The following TBL1X variants were observed in gnomAD, a reference collection of about 807,000 sequenced individuals.
TBL1X encodes F-box-like/WD repeat-containing protein TBL1X.
In TBL1X, 10 loss-of-function variants were observed where a neutral mutation model predicts 50.7. That is an observed-to-expected ratio of 0.20 (90% CI 0.12 to 0.33). The LOEUF (loss-of-function observed/expected upper bound fraction) is 0.33. Among genes scored for constraint, TBL1X ranks in the 10% least tolerant of loss-of-function variants. The probability of loss-of-function intolerance (pLI) is 1.00; values close to 1 mark genes in which losing one functional copy is unlikely to be tolerated. For missense variants in TBL1X, 340 were observed against 504.4 expected (o/e 0.67, Z 3.12); for synonymous variants, 190 against 214.7 (o/e 0.88, Z 1.01).
At chrX:9,546,593 T>A (rs926645484) in intron 2 of TBL1X, among the ~76,000 whole-genome samples, 2 of 111,449 alleles carry the variant, frequency 1.8e-5, no homozygotes, top group African/African-American at 6.5e-5. Flanking sequence ...TAACAGTTGC[T>A]TTTGCACTAC....
intron 1 of TBL1X, among the ~76,000 whole-genome samples, chrX:9,475,980 A>G (rs1433776902): frequency 8.9e-6 from 1 of 112,421 alleles, no homozygotes; most frequent in African/African-American, 3.2e-5. Flanking sequence ...GTGTACCAGC[A>G]GGATGCCTAA....
chrX:9,706,026 G>C (rs1001777280), intron 13 of TBL1X, among the ~76,000 whole-genome samples: 2 of 110,355 alleles, frequency 1.8e-5, no homozygotes, highest in Non-Finnish European at 3.8e-5. Context: ...GGGAGGAGTG[G>C]GGGGGGTGTC....
intron 5 of TBL1X, among the ~76,000 whole-genome samples, chrX:9,674,555 C>A (rs779484242): frequency 9.1e-6 from 1 of 110,301 alleles, no homozygotes; most frequent in African/African-American, 3.3e-5. Flanking sequence ...TGAGTCACTG[C>A]GCCTGACCTA....
Position 9,468,441 on chromosome X carries a change from G to A in TBL1X, c.-201+2994G>A, listed in dbSNP as rs148794670. ...AGCAAACAGGTTGAGCCAGCTGGGT[G>A]TGGACCTGCATTTTCCTCGTGGAGG... On this transcript the variant is annotated intron_variant, in intron 1 of 17. Transcript: ENST00000645353. Among the ~76,000 whole-genome samples the A allele has an allele frequency of 8.9e-5, 10 of 111,862 alleles. No homozygotes were observed. In the East Asian group the frequency reaches 2.8e-3, roughly 31 times the overall value.
intron 1 of TBL1X, among the ~76,000 whole-genome samples, chrX:9,479,863 A>G (rs947675473): frequency 1.8e-5 from 2 of 111,786 alleles, no homozygotes; most frequent in Non-Finnish European, 3.8e-5. Context: ...AGTTGCTGAA[A>G]GTTAAGATTG....
intron 1 of TBL1X, among the ~76,000 whole-genome samples, chrX:9,467,820 G>C (rs780232705): frequency 1.0e-3 from 115 of 111,838 alleles, no homozygotes; most frequent in African/African-American, 3.5e-3. Context: ...CTGGATATGG[G>C]AAGGGGCCGA....
chrX:9,651,288 G>T (rs781621640), intron 3 of TBL1X, among the ~76,000 whole-genome samples: 1 of 111,639 alleles, frequency 9.0e-6, no homozygotes, highest in South Asian at 3.7e-4. Flanking sequence ...CAAGCGATCC[G>T]CCTGCCTCGG....
chrX:9,478,095 C>T, intron 1 of TBL1X, among the ~76,000 whole-genome samples: 2 of 111,837 alleles, frequency 1.8e-5, no homozygotes, highest in African/African-American at 6.5e-5. Context: ...ATCAGGATAA[C>T]CATGGACTAG....
In TBL1X at chrX:9,553,975, A is replaced by G. The variant is rs1314136674; in HGVS notation, c.-131+52126A>G. Among the ~76,000 whole-genome samples the G allele has an allele frequency of 3.6e-5, 4 of 111,583 alleles. No homozygotes were observed. In the East Asian group the frequency reaches 8.4e-4, roughly 23 times the overall value. On this transcript the variant is annotated intron_variant, in intron 2 of 17. Coordinates refer to ENST00000645353, the MANE Select transcript of TBL1X (RefSeq NM_005647.4). ...TGTCACTGTCACCTCAACCTCCCCA[A>G]GCTCAGGCGATCCTCCCACCTCAGC...
Position 9,716,461 on chromosome X carries a change from C to T in TBL1X, c.*215C>T, listed in dbSNP as rs765436272. ...AAAAACAGAAGCAAATCATATCAAACGGGGATAGAATGGTTTCCACTGAGG... is the reference window on the plus strand; with the variant it reads ...AAAAACAGAAGCAAATCATATCAAATGGGGATAGAATGGTTTCCACTGAGG... On this transcript the variant is annotated 3_prime_UTR_variant, in exon 18 of 18. Coordinates refer to ENST00000645353, the MANE Select transcript of TBL1X (RefSeq NM_005647.4). 22 of 377,566 alleles carry T rather than the reference C, an allele frequency of 5.8e-5. No homozygotes were observed. Among genetic ancestry groups the T allele is most frequent in the Middle Eastern group, 7.6e-4 (1 of 1,318 alleles). The allele number at this position is 377,566 out of a possible 1,213,427, so 31.1% of individuals were successfully genotyped here. A position where few individuals can be genotyped will look rare whatever the true frequency, so the allele number is the denominator to read the frequency against.
chrX:9,556,709 A>C (rs915119016), intron 2 of TBL1X, among the ~76,000 whole-genome samples: 2 of 110,344 alleles, frequency 1.8e-5, no homozygotes, highest in African/African-American at 6.6e-5. Flanking sequence ...AATGGGTCTT[A>C]TTCTGCTAAA....
intron 2 of TBL1X, among the ~76,000 whole-genome samples, chrX:9,586,775 C>T (rs1343268985): frequency 9.0e-6 from 1 of 111,341 alleles, no homozygotes; most frequent in Non-Finnish European, 1.9e-5. Context: ...TACTGCATGC[C>T]TTTAGTCCCA....
chrX:9,484,199 T>A (rs1359007963), intron 1 of TBL1X, among the ~76,000 whole-genome samples: 1 of 110,873 alleles, frequency 9.0e-6, no homozygotes, highest in Non-Finnish European at 1.9e-5. Flanking sequence ...AGATGAGGGC[T>A]CCCTATGTTG....
At chrX:9,566,971 T>C (rs2082354563) in intron 2 of TBL1X, among the ~76,000 whole-genome samples, 1 of 111,638 alleles carries the variant, frequency 9.0e-6, no homozygotes, top group African/African-American at 3.3e-5. Flanking sequence ...GGGAGCACAA[T>C]GGGGCCTGGA....
intron 3 of TBL1X, among the ~76,000 whole-genome samples, chrX:9,646,246 G>C (rs1445880149): frequency 9.0e-6 from 1 of 111,708 alleles, no homozygotes; most frequent in African/African-American, 3.3e-5. Context: ...GCTGTCACTG[G>C]ACAATGAGAT....
intron 2 of TBL1X, among the ~76,000 whole-genome samples, chrX:9,622,749 A>G (rs1171252991): frequency 8.9e-6 from 1 of 111,939 alleles, no homozygotes; most frequent in African/African-American, 3.3e-5. Context: ...TGATCTGCTC[A>G]CCTTGGCCTC....
At chrX:9,509,173 G>T (rs2082041652) in intron 2 of TBL1X, among the ~76,000 whole-genome samples, 4 of 107,433 alleles carry the variant, frequency 3.7e-5, no homozygotes. Context: ...GGATCACAAG[G>T]TCAGGAGATC....
At chrX:9,696,660 A>C (rs1385446339) in intron 11 of TBL1X, among the ~76,000 whole-genome samples, 1 of 112,648 alleles carries the variant, frequency 8.9e-6, no homozygotes, top group Admixed American at 9.4e-5. Context: ...TCATGGAGGG[A>C]TGGGCAGAGG....
chrX:9,480,192 G>T (rs1159724137), intron 1 of TBL1X, among the ~76,000 whole-genome samples: 1 of 111,952 alleles, frequency 8.9e-6, no homozygotes, highest in Non-Finnish European at 1.9e-5. Context: ...GACCTCAGGT[G>T]ATCTACCCGC....
Sources: gnomAD v4.1 joint callset for allele counts (sites outside exome capture counted in the v4.1 genomes callset) on GRCh38, gnomAD v4.1.1 for gene constraint, MANE v1.5 for transcripts, NCBI Gene and HGNC (gene_info 2026-07-23, HGNC 2026-07-21) for gene names.